ERMP1: variants seen among roughly 807,000 people sequenced by gnomAD.
ERMP1 encodes endoplasmic reticulum metallopeptidase 1, also known as Felix-ina.
A neutral mutation model predicts 92.0 loss-of-function variants in ERMP1; 86 were observed. The ratio of observed to expected loss-of-function variants is 0.93; its 90% CI spans 0.79 to 1.12. The LOEUF is 1.12. Among genes scored for constraint, ERMP1 ranks in the 50% most tolerant of loss-of-function variants. The pLI is 0.00. For synonymous variants in ERMP1, 530 were observed against 412.8 expected (o/e 1.28, Z -3.44); for missense variants, 1,342 against 1,116.3 (o/e 1.20, Z -2.88).
chr9:5,842,435 AAAAAAAAAAAAAAAAG>A (rs1334072805), intron 6 of ERMP1, among the ~76,000 whole-genome samples: 4 of 18,162 alleles, frequency 2.2e-4, no homozygotes, highest in Admixed American at 1.9e-3. Context: ...AGACTGTCTC[AAAAAAAAAAAAAAAAG>A]AAAGAAAAGA....
intron 6 of ERMP1, among the ~76,000 whole-genome samples, chr9:5,851,334 TAC>T (rs1830305196): frequency 6.6e-6 from 1 of 152,224 alleles, no homozygotes; most frequent in Non-Finnish European, 1.5e-5. Context: ...ACCTATTTTT[TAC>T]AGAGAAATGT....
Position 5,787,455 on chromosome 9 carries a change from G to A in ERMP1, c.2525C>T (p.Ala842Val), listed in dbSNP as rs763208849. 120 of 1,613,766 alleles carry A rather than the reference G, an allele frequency of 7.4e-5. No homozygotes were observed. The highest frequency in any genetic ancestry group is 9.4e-5 in the Non-Finnish European group (111 of 1,179,930). ...VFYSHGLQAS[A>V]WQFWIEVQVS... Reference sequence around the variant, plus strand: ...CTGCACTTCTATCCAGAACTGCCATGCAGAGGCCTGGAGTCCATGGGAGTA... The same window carrying A: ...CTGCACTTCTATCCAGAACTGCCATACAGAGGCCTGGAGTCCATGGGAGTA... Residue 842 changes from alanine to valine, a missense_variant, in exon 14 of 15, where the codon GCA becomes GTA. Ala to Val is a moderately conservative substitution (Grantham distance 64). Coordinates refer to ENST00000339450, the MANE Select transcript of ERMP1 (RefSeq NM_024896.3).
At chr9:5,861,637 G>T (rs2129782921) in intron 5 of ERMP1, among the ~76,000 whole-genome samples, 1 of 149,874 alleles carries the variant, frequency 6.7e-6, no homozygotes, top group Non-Finnish European at 1.5e-5. Flanking sequence ...AAAGTACTAA[G>T]CCAGTAAGGG....
chr9:5,834,339 TC>T (rs1252528689), upstream of ERMP1, among the ~76,000 whole-genome samples: 1 of 152,194 alleles, frequency 6.6e-6, no homozygotes, highest in Non-Finnish European at 1.5e-5. Context: ...TAAGCTTGCT[TC>T]CCCTATTTGT....
At chr9:5,865,632 A>G (rs1830634163) in intron 5 of ERMP1, among the ~76,000 whole-genome samples, 1 of 151,734 alleles carries the variant, frequency 6.6e-6, no homozygotes. Context: ...CAGGAGTTTG[A>G]GACCAGCCTG....
In ERMP1 at chr9:5,831,035, G is replaced by T; in HGVS notation, c.339-7C>A. On this transcript the variant is annotated splice_polypyrimidine_tract_variant and splice_region_variant and intron_variant, in intron 1 of 14. Transcript: ENST00000339450. Reference sequence around the variant, plus strand: ...TATGTGTTCAAGATAATCCCTGGAAGTAACCAAAAGAATAACAAAGGTTTG... The same window carrying T: ...TATGTGTTCAAGATAATCCCTGGAATTAACCAAAAGAATAACAAAGGTTTG... 1 of 1,598,326 alleles carries T rather than the reference G, an allele frequency of 6.3e-7. No individual in the cohort carries two copies. The highest frequency in any genetic ancestry group is 8.5e-7 in the Non-Finnish European group (1 of 1,170,158).
At chr9:5,866,356 C>A (rs772277489) in intron 5 of ERMP1, among the ~76,000 whole-genome samples, 1 of 152,148 alleles carries the variant, frequency 6.6e-6, no homozygotes, top group African/African-American at 2.4e-5. Context: ...TAGGATCCAA[C>A]AATAGTGGGG....
chr9:5,819,223 T>A (rs898542407), intron 4 of ERMP1, among the ~76,000 whole-genome samples: 1 of 152,128 alleles, frequency 6.6e-6, no homozygotes, highest in African/African-American at 2.4e-5. Flanking sequence ...TACAATGGGT[T>A]AGTCAGCCAT....
At chr9:5,831,143 A>C in intron 1 of ERMP1, 115 bp from the exon 2 acceptor site, 1 of 718,238 alleles carries the variant, frequency 1.4e-6, no homozygotes, top group Non-Finnish European at 2.3e-6. Flanking sequence ...TTTGCCTTAT[A>C]TAAAAGGGAC....
In ERMP1 at chr9:5,811,403, A is replaced by G. The variant is rs560714075; in HGVS notation, c.1115-80T>C. Reference sequence around the variant, plus strand: ...AATAAACTATTTGTGATTTACACATACCACTATTTAAAGCAGAAATAAACC... The same window carrying G: ...AATAAACTATTTGTGATTTACACATGCCACTATTTAAAGCAGAAATAAACC... On this transcript the variant is annotated intron_variant, in intron 6 of 14. Coordinates refer to ENST00000339450, the MANE Select transcript of ERMP1 (RefSeq NM_024896.3). 4.0e-6 allele frequency: 4 copies of G among 1,009,670 alleles called. No homozygotes were observed. In the African/African-American group the frequency reaches 4.9e-5, roughly 12 times the overall value. 62.5% of individuals were successfully genotyped at this position (1,009,670 alleles called of 1,614,324 possible).
At position 5,816,928 on chromosome 9, in the gene ERMP1, T is replaced by C. The variant is rs980203005; in HGVS notation, c.875-3893A>G. ...TTTTTTTTTTTTTGGTGACAGAGTC[T>C]CGCTCTGTCTCCCAGGCTGGAGTAC... is the stretch of plus-strand genomic sequence containing the variant. On this transcript the variant is annotated intron_variant, in intron 4 of 14. Transcript: ENST00000339450. 7.3e-5 allele frequency among the ~76,000 whole-genome samples: 11 copies of C among 149,886 alleles called. No individual in the cohort carries two copies. In the Admixed American group the frequency reaches 7.3e-4, roughly 10 times the overall value.
In ERMP1 at chr9:5,785,511, G is replaced by A. The variant is rs1439901984; in HGVS notation, c.*1633C>T. 4 of 152,240 alleles carry A rather than the reference G, an allele frequency of 2.6e-5. No homozygotes were observed. Among genetic ancestry groups the A allele is most frequent in the African/African-American group, 9.7e-5 (4 of 41,430 alleles). 9.4% of individuals were successfully genotyped at this position (152,240 alleles called of 1,614,324 possible). On this transcript the variant is annotated 3_prime_UTR_variant, in exon 15 of 15. Coordinates refer to ENST00000339450, the MANE Select transcript of ERMP1 (RefSeq NM_024896.3). ...AATGATTCCAGTGTGCAGTGCTGAT[G>A]CATGTGTGAGCCTAACATGTTATTC...
chr9:5,840,061 G>C lies in ERMP1; in HGVS notation n.3200-6749C>G, dbSNP rs562710574. On this transcript the variant is annotated intron_variant and non_coding_transcript_variant, in intron 6 of 6. Transcript: ENST00000690753. ...GTTTGTGACCAACCTGGCCAACATG[G>C]TGAAACCCCGTCTCTACTAAAAATA... Among the ~76,000 whole-genome samples, 4 of 152,274 alleles carry C rather than the reference G, an allele frequency of 2.6e-5. No individual in the cohort carries two copies. In the East Asian group the frequency reaches 5.8e-4, roughly 22 times the overall value.
At chr9:5,836,789 C>T (rs1245272696), upstream of ERMP1, among the ~76,000 whole-genome samples, 1 of 152,170 alleles carries the variant, frequency 6.6e-6, no homozygotes, top group East Asian at 1.9e-4. Flanking sequence ...AGCCAGGAAA[C>T]CTGGGGGCTG....
chr9:5,825,258 A>G (rs750055284), intron 2 of ERMP1, 39 bp from the exon 3 acceptor site: 40 of 1,591,492 alleles, frequency 2.5e-5, no homozygotes, highest in Non-Finnish European at 3.3e-5. Flanking sequence ...TCAGATTTTA[A>G]AATGTTTACA....
chr9:5,830,867 G>T lies in ERMP1; in HGVS notation c.500C>A (p.Ser167Tyr). 1 of 1,614,100 alleles carries T rather than the reference G, an allele frequency of 6.2e-7. No homozygotes were observed. Among genetic ancestry groups the T allele is most frequent in the Non-Finnish European group, 8.5e-7 (1 of 1,179,976 alleles). The stretch of plus-strand genomic sequence containing the variant: ...ACCTCCCAAGAAATCAATGCTAAAA[G>T]AGCCTGTGGGCCGTTGTACATCTAC... ...ISVDVQRPTG[S>Y]FSIDFLGGFT... Residue 167 changes from serine to tyrosine, a missense_variant, in exon 2 of 15, where the codon TCT becomes TAT. Coordinates refer to ENST00000339450, the MANE Select transcript of ERMP1 (RefSeq NM_024896.3).
Position 5,810,251 on chromosome 9 carries a change from A to C in ERMP1, c.1328-20T>G, listed in dbSNP as rs1169540660. On this transcript the variant is annotated intron_variant, in intron 7 of 14. Coordinates refer to ENST00000339450, the MANE Select transcript of ERMP1 (RefSeq NM_024896.3). ...TACCAGCTAATGAAGAGAAAACAAA[A>C]AGTTGAAATCACCATCTTCATCAAA... 6.3e-7 allele frequency: 1 copy of C among 1,580,400 alleles called. No homozygotes were observed. Among genetic ancestry groups the C allele is most frequent in the South Asian group, 1.1e-5 (1 of 90,448 alleles).
chr9:5,790,211 G>A (rs566359092), intron 13 of ERMP1, among the ~76,000 whole-genome samples: 73 of 132,132 alleles, frequency 5.5e-4, no homozygotes, highest in African/African-American at 1.7e-3. Flanking sequence ...ACGGAGTCTC[G>A]TTCTGTGGCC....
intron 2 of ERMP1, among the ~76,000 whole-genome samples, chr9:5,830,333 G>T (rs1448812021): frequency 6.6e-6 from 1 of 152,048 alleles, no homozygotes; most frequent in Non-Finnish European, 1.5e-5. Context: ...TTGAAGGCAG[G>T]GACTGTCCTT....
Sources: gnomAD v4.1 joint callset for allele counts (sites outside exome capture counted in the v4.1 genomes callset) on GRCh38, gnomAD v4.1.1 for gene constraint, MANE v1.5 for transcripts, NCBI Gene and HGNC (gene_info 2026-07-23, HGNC 2026-07-21) for gene names.